Variants in TMEM239 observed in about 807,000 individuals in gnomAD.
The protein encoded by TMEM239 is transmembrane protein 239.
A neutral mutation model predicts 14.6 loss-of-function variants in TMEM239; 10 were observed. The observed-to-expected ratio is 0.68, with a 90% CI of 0.42 to 1.16. TMEM239 has a LOEUF of 1.16. Among genes scored for constraint, TMEM239 ranks in the 50% most tolerant of loss-of-function variants. TMEM239 has a pLI of 0.00. For synonymous variants in TMEM239, 94 were observed against 89.9 expected, an observed-to-expected ratio of 1.05 and a Z score of -0.26; for missense variants, 183 against 194.4, an observed-to-expected ratio of 0.94 and a Z score of 0.35.
At chr20:2,816,493 C>CT (rs762612800) in intron 1 of TMEM239, 51 bp from the exon 2 acceptor site, 10,844 of 193,152 alleles carry the variant, frequency 0.056, 49 homozygotes, top group South Asian at 0.15. Context: ...CCCTCTCTGC[C>CT]CCCCCCCCCC....
Position 2,816,596 on chromosome 20 carries a change from T to A in TMEM239, c.42T>A (p.Ala14=), listed in dbSNP as rs1036871589. ...GAGTGGAGACAGATACCATCGGGGC[T>A]GGCGAGGGGCCACAGCAGGCAGTGC... ...QPRVETDTIG[A]GEGPQQAVPW... The change falls in exon 2 of 2, where the codon GCT becomes GCA. Residue 14 remains alanine (A), a synonymous_variant. Coordinates refer to ENST00000380585, the MANE Select transcript of TMEM239 (RefSeq NM_001167670.3). 1.3e-6 allele frequency: 2 copies of A among 1,532,698 alleles called. No homozygotes were observed. The highest frequency in any genetic ancestry group is 1.7e-6 in the Non-Finnish European group (2 of 1,144,386). 94.9% of individuals were successfully genotyped at this position (1,532,698 alleles called of 1,614,324 possible). A position where few individuals can be genotyped will look rare whatever the true frequency, so the allele number is the denominator to read the frequency against.
chr20:2,816,447 C>G, intron 1 of TMEM239, 32 bp downstream of exon 1: 1 of 1,534,998 alleles, frequency 6.5e-7, no homozygotes, highest in South Asian at 1.2e-5. Flanking sequence ...TGTAGCCCCA[C>G]CCCACGCACA....
chr20:2,817,345 T>A lies in TMEM239; in HGVS notation c.*332T>A. 1 of 498,864 alleles carries A rather than the reference T, an allele frequency of 2.0e-6. No homozygotes were observed. Among genetic ancestry groups the A allele is most frequent in the African/African-American group, 1.9e-5 (1 of 52,538 alleles). The allele number at this position is 498,864 out of a possible 1,614,324, so 30.9% of individuals were successfully genotyped here. On this transcript the variant is annotated 3_prime_UTR_variant, in exon 2 of 2. Transcript: ENST00000380585. ...ATACCCGTGGGGCCCCCTTGGCAAC[T>A]GACAGCATCTTTTTCTCATAGCCAC...
chr20:2,816,737 G>A lies in TMEM239; in HGVS notation c.183G>A (p.Leu61=). 1 of 1,550,370 alleles carries A rather than the reference G, an allele frequency of 6.5e-7. No individual in the cohort carries two copies. Residue 61 remains leucine (L), a synonymous_variant, in exon 2 of 2, where the codon CTG becomes CTA. Coordinates refer to ENST00000380585, the MANE Select transcript of TMEM239 (RefSeq NM_001167670.3). ...ACTGGCGGCAACCGCTGCAGCGCCT[G>A]CTGTGGGGTCTGGAGGGGATACTCT... is the stretch of plus-strand genomic sequence containing the variant. ...TSNWRQPLQR[L]LWGLEGILYL... is the part of the protein sequence containing the mutation.
chr20:2,816,289 C>T, upstream of TMEM239: 3 of 1,511,910 alleles, frequency 2.0e-6, no homozygotes, highest in Non-Finnish European at 2.7e-6. Context: ...TGGACCCCAC[C>T]CCAGCCCGGG....
chr20:2,816,438 G>A (rs1244859307), intron 1 of TMEM239, 23 bp downstream of exon 1: 5 of 1,535,402 alleles, frequency 3.3e-6, no homozygotes, highest in Non-Finnish European at 4.4e-6. Context: ...CCCTAATTCT[G>A]TAGCCCCACC....
rs2088697105 is a variant in TMEM239, at chr20:2,818,013, G to A, written c.*1000G>A. 1 of 152,178 alleles carries A rather than the reference G, an allele frequency of 6.6e-6. No homozygotes were observed. Among genetic ancestry groups the A allele is most frequent in the Non-Finnish European group, 1.5e-5 (1 of 68,028 alleles). The allele number at this position is 152,178 out of a possible 1,614,324, so 9.4% of individuals were successfully genotyped here. On this transcript the variant is annotated 3_prime_UTR_variant, in exon 2 of 2. Transcript: ENST00000380585. Reference sequence around the variant, plus strand: ...GCCCTAAAATGGTAAACAAGAGGTCGGTTAAGTGTGTACAAGATGTAAAAG... The same window carrying A: ...GCCCTAAAATGGTAAACAAGAGGTCAGTTAAGTGTGTACAAGATGTAAAAG...
In TMEM239 at chr20:2,817,354, C is replaced by A. The variant is rs778774852; in HGVS notation, c.*341C>A. 2.2e-5 allele frequency: 11 copies of A among 491,554 alleles called. No individual in the cohort carries two copies. The highest frequency in any genetic ancestry group is 3.6e-5 in the Non-Finnish European group (10 of 278,518). The allele number at this position is 491,554 out of a possible 1,614,324, so 30.4% of individuals were successfully genotyped here. A position where few individuals can be genotyped will look rare whatever the true frequency, so the allele number is the denominator to read the frequency against. Reference sequence around the variant, plus strand: ...GGGCCCCCTTGGCAACTGACAGCATCTTTTTCTCATAGCCACTCAGCTGTC... The same window carrying A: ...GGGCCCCCTTGGCAACTGACAGCATATTTTTCTCATAGCCACTCAGCTGTC... On this transcript the variant is annotated 3_prime_UTR_variant, in exon 2 of 2. Coordinates refer to ENST00000380585, the MANE Select transcript of TMEM239 (RefSeq NM_001167670.3).
chr20:2,816,852 T>C lies in TMEM239; in HGVS notation c.298T>C (p.Trp100Arg). Reference sequence around the variant, plus strand: ...CTTGTGGCCTGTCGTGGCCGCGGTGTGGCGCCACCTGCTACCGGCTCTCCT... The same window carrying C: ...CTTGTGGCCTGTCGTGGCCGCGGTGCGGCGCCACCTGCTACCGGCTCTCCT... ...SSLWPVVAAV[W>R]RHLLPALLLL... The change falls in exon 2 of 2, where the codon TGG (tryptophan) becomes CGG (arginine). Residue 100 changes from tryptophan to arginine, a missense_variant. Transcript: ENST00000380585. 1.3e-6 allele frequency: 2 copies of C among 1,547,574 alleles called. No homozygotes were observed. Among genetic ancestry groups the C allele is most frequent in the Non-Finnish European group, 1.7e-6 (2 of 1,146,982 alleles).
At chr20:2,816,090 G>A (rs1212994952), upstream of TMEM239, among the ~76,000 whole-genome samples, 3 of 152,186 alleles carry the variant, frequency 2.0e-5, no homozygotes, top group Non-Finnish European at 4.4e-5. Flanking sequence ...TTGCGAGAGA[G>A]CAGTTTGGAA....
Position 2,816,448 on chromosome 20 carries a change from C to T in TMEM239, c.-12+33C>T, listed in dbSNP as rs989312262. 1.9e-4 allele frequency: 294 copies of T among 1,534,956 alleles called. 1 individual carries two copies. Among genetic ancestry groups the T allele is most frequent in the Non-Finnish European group, 2.4e-4 (270 of 1,146,296 alleles). ...CCAGTCCCTAATTCTGTAGCCCCAC[C>T]CCACGCACACTGGTGCCCTCCTGAC... On this transcript the variant is annotated intron_variant, in intron 1 of 1. Coordinates refer to ENST00000380585, the MANE Select transcript of TMEM239 (RefSeq NM_001167670.3).
chr20:2,816,493 C>T (rs1362776016), intron 1 of TMEM239, 51 bp from the exon 2 acceptor site: 21 of 193,504 alleles, frequency 1.1e-4, no homozygotes, highest in Non-Finnish European at 1.3e-4. Flanking sequence ...CCCTCTCTGC[C>T]CCCCCCCCCC....
In TMEM239 at chr20:2,816,906, C is replaced by T. The variant is rs1281518171; in HGVS notation, c.352C>T (p.Leu118Phe). The change falls in exon 2 of 2, where the codon CTC (leucine) becomes TTC (phenylalanine). Residue 118 changes from leucine to phenylalanine, a missense_variant. Leu to Phe is a conservative substitution (Grantham distance 22). Coordinates refer to ENST00000380585, the MANE Select transcript of TMEM239 (RefSeq NM_001167670.3). ...LLLVLSALPALLFTASFLLLF... is the reference protein window; with the variant it reads ...LLLVLSALPAFLFTASFLLLF... ...GCTGGTGCTCAGTGCTCTGCCTGCC[C>T]TCCTCTTCACGGCCTCCTTCCTGCT... 4 of 1,541,054 alleles carry T rather than the reference C, an allele frequency of 2.6e-6. No individual in the cohort carries two copies. Among genetic ancestry groups the T allele is most frequent in the Non-Finnish European group, 3.5e-6 (4 of 1,147,046 alleles).
upstream of TMEM239, chr20:2,816,324 G>A: frequency 6.5e-7 from 1 of 1,535,726 alleles, no homozygotes; most frequent in Non-Finnish European, 8.7e-7. Flanking sequence ...CTCTGGGGAG[G>A]GTGGGGGTAG....
Position 2,816,434 on chromosome 20 carries a change from T to C in TMEM239, c.-12+19T>C. On this transcript the variant is annotated intron_variant, in intron 1 of 1. Transcript: ENST00000380585. ...CCCAGAGGTAAGTCCCAGTCCCTAA[T>C]TCTGTAGCCCCACCCCACGCACACT... 1 of 1,535,626 alleles carries C rather than the reference T, an allele frequency of 6.5e-7. No individual in the cohort carries two copies. The highest frequency in any genetic ancestry group is 8.7e-7 in the Non-Finnish European group (1 of 1,146,768).
upstream of TMEM239, among the ~76,000 whole-genome samples, chr20:2,816,108 G>A (rs770536996): frequency 3.9e-5 from 6 of 152,158 alleles, no homozygotes; most frequent in Non-Finnish European, 8.8e-5. Flanking sequence ...GAAAGGGGTG[G>A]ATATCAGCCA....
chr20:2,818,375 G>A (rs1030204414), downstream of TMEM239: 3 of 152,462 alleles, frequency 2.0e-5, no homozygotes, highest in African/African-American at 7.2e-5. Context: ...CTCCTGCCCA[G>A]TTCTGATCCC....
At position 2,816,502 on chromosome 20, in the gene TMEM239, C is replaced by G. The variant is rs750254767; in HGVS notation, c.-11-42C>G. 8.5e-4 allele frequency: 1,274 copies of G among 1,503,868 alleles called. 2 individuals are homozygous for G. Among genetic ancestry groups the G allele is most frequent in the Middle Eastern group, 1.7e-3 (9 of 5,404 alleles). The allele number at this position is 1,503,868 out of a possible 1,614,324, so 93.2% of individuals were successfully genotyped here. On this transcript the variant is annotated intron_variant, in intron 1 of 1. Transcript: ENST00000380585. ...TGCACCCCCTCTCTGCCCCCCCCCC[C>G]CAAGGTCCCAGGCATCTTCAAGACC...
chr20:2,816,699 TG>T lies in TMEM239; in HGVS notation c.147del (p.Trp49Ter). 1.9e-6 allele frequency: 3 copies of T among 1,545,948 alleles called. No homozygotes were observed. The South Asian group carries it at 3.6e-5, about 18-fold the overall frequency. On this transcript the variant is annotated frameshift_variant, in exon 2 of 2. Transcript: ENST00000380585. LOFTEE classifies it high-confidence loss of function. ...CATGCCCCCGAGCTGGATCCAGTGG[TG>T]GAGCACCTCGAACTGGCGGCAACCG... ...SHMPPSWIQW[W>X]STSNWRQPLQ...
Sources: gnomAD v4.1 joint callset for allele counts (sites outside exome capture counted in the v4.1 genomes callset) on GRCh38, gnomAD v4.1.1 for gene constraint, MANE v1.5 for transcripts, NCBI Gene and HGNC (gene_info 2026-07-23, HGNC 2026-07-21) for gene names.